TOGARAM2: variants seen among roughly 807,000 people sequenced by gnomAD.
The protein encoded by TOGARAM2 is TOG array regulator of axonemal microtubules 2, also known as TOG array regulator of axonemal microtubules protein 2.
A neutral mutation model predicts 93.3 loss-of-function variants in TOGARAM2; 85 were observed. That is an observed-to-expected ratio of 0.91 (90% CI 0.76 to 1.09). The LOEUF is 1.09. Among genes scored for constraint, TOGARAM2 ranks in the 50% least tolerant of loss-of-function variants. TOGARAM2 has a pLI of 0.00. For synonymous variants in TOGARAM2, 593 were observed against 552.8 expected (o/e 1.07, Z -1.02); for missense variants, 1,277 against 1,334.5 (o/e 0.96, Z 0.67).
intron 18 of TOGARAM2, among the ~76,000 whole-genome samples, chr2:29,040,262 A>C (rs1318969111): frequency 1.3e-5 from 2 of 152,230 alleles, no homozygotes; most frequent in East Asian, 3.8e-4. Flanking sequence ...GCTACTGGGC[A>C]GTCTTTCTAG....
At chr2:28,998,771 G>A (rs1030293721) in intron 3 of TOGARAM2, among the ~76,000 whole-genome samples, 1 of 152,132 alleles carries the variant, frequency 6.6e-6, no homozygotes, top group African/African-American at 2.4e-5. Context: ...TGGGGGTGGG[G>A]GTGATTTGCT....
intron 13 of TOGARAM2, among the ~76,000 whole-genome samples, chr2:29,024,743 C>A (rs1297900636): frequency 6.6e-6 from 1 of 152,162 alleles, no homozygotes. Flanking sequence ...GGGGAGCACA[C>A]CGTGGCTGTG....
intron 8 of TOGARAM2, among the ~76,000 whole-genome samples, chr2:29,016,502 C>T (rs1466972593): frequency 2.0e-5 from 3 of 152,148 alleles, no homozygotes; most frequent in East Asian, 1.9e-4. Flanking sequence ...TGACAACTTA[C>T]GAGTTGTTCT....
At chr2:28,966,494 C>T (rs1671870262) in intron 1 of TOGARAM2, among the ~76,000 whole-genome samples, 1 of 152,056 alleles carries the variant, frequency 6.6e-6, no homozygotes, top group Admixed American at 6.5e-5. Context: ...GATGGGGTTT[C>T]ACCATGTTGG....
intron 18 of TOGARAM2, among the ~76,000 whole-genome samples, chr2:29,038,913 G>C (rs1419714894): frequency 6.6e-6 from 1 of 152,214 alleles, no homozygotes; most frequent in Non-Finnish European, 1.5e-5. Flanking sequence ...ATGTAGGTCA[G>C]AACTGGAGGG....
At chr2:28,981,960 TA>T (rs1672217472) in intron 1 of TOGARAM2, among the ~76,000 whole-genome samples, 1 of 152,134 alleles carries the variant, frequency 6.6e-6, no homozygotes, top group Admixed American at 6.5e-5. Flanking sequence ...CACCCGTGCT[TA>T]GGGGTGCTGG....
At chr2:29,015,355 C>T (rs538708873) in intron 8 of TOGARAM2, among the ~76,000 whole-genome samples, 1 of 152,184 alleles carries the variant, frequency 6.6e-6, no homozygotes, top group Non-Finnish European at 1.5e-5. Context: ...TGTGTCCCCC[C>T]ACCATGGTCT....
At position 29,052,061 on chromosome 2, in the gene TOGARAM2, A is replaced by T. The variant is rs1418472495; in HGVS notation, c.3028A>T (p.Thr1010Ser). The T allele has an allele frequency of 5.6e-6, 9 of 1,600,532 alleles. No homozygotes were observed. Among genetic ancestry groups the T allele is most frequent in the African/African-American group, 1.4e-5 (1 of 73,658 alleles). Reference sequence around the variant, plus strand: ...AGGGGTGGCCCCTGACAGCAAGACAACTGGCAGCTCATACCCTTTTCAGCT... The same window carrying T: ...AGGGGTGGCCCCTGACAGCAAGACATCTGGCAGCTCATACCCTTTTCAGCT... ...DRGVAPDSKT[T>S]GSSYPFQLD The change falls in exon 20 of 20, where the codon ACT becomes TCT. Residue 1010 changes from threonine to serine, a missense_variant. Coordinates refer to ENST00000379558, the MANE Select transcript of TOGARAM2 (RefSeq NM_199280.4).
chr2:28,991,567 C>A (rs149787038), intron 1 of TOGARAM2, among the ~76,000 whole-genome samples: 11 of 152,118 alleles, frequency 7.2e-5, no homozygotes, highest in African/African-American at 2.7e-4. Flanking sequence ...AAAGTCGGAG[C>A]GGGTGGTGTC....
chr2:28,999,477 T>C lies in TOGARAM2; in HGVS notation c.427+9T>C. 3 of 1,586,676 alleles carry C rather than the reference T, an allele frequency of 1.9e-6. No homozygotes were observed. Among genetic ancestry groups the C allele is most frequent in the South Asian group, 2.3e-5 (2 of 86,040 alleles). ...GGCAGCGTCTTCCCGAGGTGAGCACTGGCCCCTGCCCACCCCTCACCCACC... is the reference window on the plus strand; with the variant it reads ...GGCAGCGTCTTCCCGAGGTGAGCACCGGCCCCTGCCCACCCCTCACCCACC... On this transcript the variant is annotated intron_variant, in intron 4 of 19. Transcript: ENST00000379558.
At chr2:29,014,688 C>A in intron 8 of TOGARAM2, 127 bp downstream of exon 8, 1 of 1,256,690 alleles carries the variant, frequency 8.0e-7, no homozygotes, top group Non-Finnish European at 1.1e-6. Flanking sequence ...GAGCCCGAGG[C>A]AGCCACCCAA....
Position 29,039,974 on chromosome 2 carries a change from A to C in TOGARAM2, c.2635+3217A>C, listed in dbSNP as rs77348405. ...TCTTAATTTACTCCAGCCCCTGGTC[A>C]GTACTGGAGAGGGCAGATAAGCTTG... On this transcript the variant is annotated intron_variant, in intron 18 of 19. Transcript: ENST00000379558. Among the ~76,000 whole-genome samples the C allele has an allele frequency of 5.0e-3, 762 of 152,340 alleles. 7 individuals are homozygous for C. Among genetic ancestry groups the C allele is most frequent in the African/African-American group, 0.017 (705 of 41,578 alleles).
chr2:28,992,917 G>A (rs1482959667), intron 1 of TOGARAM2, among the ~76,000 whole-genome samples: 1 of 152,132 alleles, frequency 6.6e-6, no homozygotes, highest in East Asian at 1.9e-4. Context: ...AAAATTAGCT[G>A]GCCATGGTGA....
At chr2:29,022,864 T>C (rs182163636) in intron 11 of TOGARAM2, among the ~76,000 whole-genome samples, 12 of 152,268 alleles carry the variant, frequency 7.9e-5, no homozygotes, top group African/African-American at 2.9e-4. Flanking sequence ...CTGTCAGAGC[T>C]GAGGGCTGGC....
chr2:28,960,591 C>T (rs959275651), intron 1 of TOGARAM2, among the ~76,000 whole-genome samples: 6 of 152,162 alleles, frequency 3.9e-5, no homozygotes, highest in South Asian at 2.1e-4. Flanking sequence ...AATCACACAC[C>T]GAGGAGACCA....
intron 19 of TOGARAM2, chr2:29,049,548 G>A (rs892334515): frequency 6.6e-6 from 1 of 152,142 alleles, no homozygotes; most frequent in Non-Finnish European, 1.5e-5. Flanking sequence ...TTTTCTTTTG[G>A]TTCCCTCTCA....
chr2:29,024,442 G>C, intron 13 of TOGARAM2, 68 bp downstream of exon 13: 1 of 1,269,690 alleles, frequency 7.9e-7, no homozygotes. Context: ...AGAGGCCCTG[G>C]GATGTGAAAG....
At chr2:28,996,478 T>C (rs1377996296) in intron 2 of TOGARAM2, among the ~76,000 whole-genome samples, 1 of 152,088 alleles carries the variant, frequency 6.6e-6, no homozygotes, top group East Asian at 1.9e-4. Flanking sequence ...CATATATGAA[T>C]GAAAACAAGT....
At chr2:29,029,683 GA>G (rs1192416755) in intron 14 of TOGARAM2, among the ~76,000 whole-genome samples, 4 of 148,848 alleles carry the variant, frequency 2.7e-5, no homozygotes, top group African/African-American at 9.7e-5. Flanking sequence ...GTGAACCCGG[GA>G]GGCGGAGCTT....
Sources: gnomAD v4.1 joint callset for allele counts (sites outside exome capture counted in the v4.1 genomes callset) on GRCh38, gnomAD v4.1.1 for gene constraint, MANE v1.5 for transcripts, NCBI Gene and HGNC (gene_info 2026-07-23, HGNC 2026-07-21) for gene names.